Variants in PLAC1 observed in about 807,000 individuals in gnomAD.
PLAC1 encodes placenta-specific protein 1.
For missense variants in PLAC1, 136 were observed against 163.2 expected (o/e 0.83, Z 0.91); for synonymous variants, 68 against 62.1 (o/e 1.09, Z -0.44).
chrX:134,661,500 T>C (rs1252795365), upstream of PLAC1, among the ~76,000 whole-genome samples: 1 of 111,845 alleles, frequency 8.9e-6, no homozygotes, highest in Non-Finnish European at 1.9e-5. Flanking sequence ...GGCAGAAGTA[T>C]TGTGTAACTA....
chrX:134,577,023 A>G (rs937920363), intron 2 of PLAC1, among the ~76,000 whole-genome samples: 6 of 111,979 alleles, frequency 5.4e-5, no homozygotes, highest in African/African-American at 2.0e-4. Context: ...ACAGACACAC[A>G]TGCCTCCTTT....
intron 2 of PLAC1, among the ~76,000 whole-genome samples, chrX:134,703,878 C>T (rs1476121230): frequency 1.8e-5 from 2 of 108,470 alleles, no homozygotes; most frequent in African/African-American, 3.3e-5. Context: ...TATTTTATTA[C>T]TCAAAGGATA....
At chrX:134,717,782 C>T (rs971458314) in intron 2 of PLAC1, among the ~76,000 whole-genome samples, 1 of 112,662 alleles carries the variant, frequency 8.9e-6, no homozygotes, top group Admixed American at 9.4e-5. Flanking sequence ...AGCAGTCACT[C>T]ACCTAGTCCT....
intron 1 of PLAC1, among the ~76,000 whole-genome samples, chrX:134,608,554 G>A (rs2078133891): frequency 8.9e-6 from 1 of 112,137 alleles, no homozygotes; most frequent in African/African-American, 3.2e-5. Context: ...AGTACTTAAA[G>A]GGGCATAGGA....
chrX:134,640,099 T>C (rs2078301396), intron 1 of PLAC1, among the ~76,000 whole-genome samples: 1 of 111,977 alleles, frequency 8.9e-6, no homozygotes, highest in Non-Finnish European at 1.9e-5. Context: ...TACCTAGAAG[T>C]GGAATTGTGG....
chrX:134,732,281 G>T (rs1375702377), intron 2 of PLAC1, among the ~76,000 whole-genome samples: 1 of 111,737 alleles, frequency 8.9e-6, no homozygotes, highest in Admixed American at 9.5e-5. Flanking sequence ...GCTAATGGGT[G>T]CAGAGGAGGC....
chrX:134,575,709 C>T (rs1174959052), intron 2 of PLAC1, among the ~76,000 whole-genome samples: 3 of 102,929 alleles, frequency 2.9e-5, no homozygotes, highest in Non-Finnish European at 5.9e-5. Flanking sequence ...GCAGAGGTTG[C>T]AGTGAGCTGA....
chrX:134,684,091 G>T (rs1287552494), intron 2 of PLAC1, among the ~76,000 whole-genome samples: 1 of 110,743 alleles, frequency 9.0e-6, no homozygotes, highest in Non-Finnish European at 1.9e-5. Flanking sequence ...TTGGGAGGAG[G>T]GGTGAAATGG....
At chrX:134,598,949 C>G (rs1318246723) in intron 2 of PLAC1, among the ~76,000 whole-genome samples, 2 of 111,352 alleles carry the variant, frequency 1.8e-5, no homozygotes, top group African/African-American at 6.5e-5. Flanking sequence ...CTAGAAAAAC[C>G]CATCTTTTCA....
intron 1 of PLAC1, among the ~76,000 whole-genome samples, chrX:134,763,412 C>T (rs2078775595): frequency 1.8e-5 from 2 of 111,664 alleles, no homozygotes; most frequent in South Asian, 7.5e-4. Context: ...GATAGGTAAG[C>T]AAACCAGGCC....
chrX:134,652,145 C>T (rs1201602803), intron 1 of PLAC1, among the ~76,000 whole-genome samples: 1 of 111,313 alleles, frequency 9.0e-6, no homozygotes, highest in Non-Finnish European at 1.9e-5. Context: ...TTACAGTGAC[C>T]CAGAGGCAAA....
At chrX:134,698,737 A>ATTTACAATC (rs1255017130) in intron 2 of PLAC1, among the ~76,000 whole-genome samples, 2 of 111,678 alleles carry the variant, frequency 1.8e-5, no homozygotes, top group Non-Finnish European at 3.8e-5. Flanking sequence ...CTAAATTGAT[A>ATTTACAATC]TTTACAATCT....
intron 2 of PLAC1, among the ~76,000 whole-genome samples, chrX:134,717,117 G>A (rs1184519290): frequency 4.5e-5 from 5 of 111,878 alleles, no homozygotes; most frequent in Non-Finnish European, 9.4e-5. Flanking sequence ...CTTACTCTAA[G>A]GCCTTCTATG....
intron 2 of PLAC1, among the ~76,000 whole-genome samples, chrX:134,595,617 G>GTATA (rs57890518): frequency 1.9e-5 from 2 of 102,928 alleles, no homozygotes; most frequent in East Asian, 3.0e-4. Context: ...TATAATGTGT[G>GTATA]TATATATATA....
At chrX:134,705,175 C>T (rs745431713) in intron 2 of PLAC1, among the ~76,000 whole-genome samples, 2 of 106,318 alleles carry the variant, frequency 1.9e-5, no homozygotes, top group Admixed American at 1.0e-4. Context: ...AATCCCAGCA[C>T]TTTGGGAGGC....
chrX:134,610,530 ACT>A (rs1437181737), intron 1 of PLAC1, among the ~76,000 whole-genome samples: 2 of 111,260 alleles, frequency 1.8e-5, no homozygotes, highest in Non-Finnish European at 3.8e-5. Context: ...GTGGAGGGTC[ACT>A]CTGGCTGCCT....
intron 2 of PLAC1, among the ~76,000 whole-genome samples, chrX:134,729,360 AC>A (rs2078682249): frequency 9.0e-6 from 1 of 111,717 alleles, no homozygotes; most frequent in African/African-American, 3.3e-5. Flanking sequence ...CCACCTAAGA[AC>A]CCTGTGAATT....
chrX:134,728,028 G>A (rs761645614), intron 2 of PLAC1, among the ~76,000 whole-genome samples: 7 of 111,528 alleles, frequency 6.3e-5, no homozygotes, highest in Non-Finnish European at 1.3e-4. Context: ...GTTCAATGGC[G>A]GATTTGAATG....
intron 2 of PLAC1, among the ~76,000 whole-genome samples, chrX:134,688,765 A>C (rs2078526967): frequency 8.9e-6 from 1 of 111,969 alleles, no homozygotes; most frequent in Admixed American, 9.5e-5. Context: ...ATGTCACTAG[A>C]ACACCATCCT....
Sources: gnomAD v4.1 joint callset for allele counts (sites outside exome capture counted in the v4.1 genomes callset) on GRCh38, gnomAD v4.1.1 for gene constraint, MANE v1.5 for transcripts, NCBI Gene and HGNC (gene_info 2026-07-23, HGNC 2026-07-21) for gene names.